The following CRYBG1 variants were observed in gnomAD, a reference collection of about 807,000 sequenced individuals.
The protein encoded by CRYBG1 is beta/gamma crystallin domain-containing protein 1.
CRYBG1 carries 139 observed loss-of-function variants against 189.2 expected under a neutral mutation model. The observed-to-expected ratio is 0.73, with a 90% CI of 0.64 to 0.85. CRYBG1 has a LOEUF of 0.85. CRYBG1 is among the 40% of genes least tolerant of loss of function. The probability of loss-of-function intolerance (pLI) is 0.00; values close to 1 mark genes in which losing one functional copy is unlikely to be tolerated. For synonymous variants in CRYBG1, 1,023 were observed against 1,017.1 expected, an observed-to-expected ratio of 1.01 and a Z score of -0.11; for missense variants, 2,611 against 2,675.8, an observed-to-expected ratio of 0.98 and a Z score of 0.53.
intron 2 of CRYBG1, among the ~76,000 whole-genome samples, chr6:106,452,743 G>A (rs540851150): frequency 6.6e-6 from 1 of 152,228 alleles, no homozygotes; most frequent in South Asian, 2.1e-4. Flanking sequence ...TTTTCTCCAA[G>A]GTGGGAGATA....
intron 8 of CRYBG1, among the ~76,000 whole-genome samples, chr6:106,532,300 T>G (rs1330546095): frequency 6.6e-6 from 1 of 152,210 alleles, no homozygotes; most frequent in East Asian, 1.9e-4. Flanking sequence ...CTTTATTCAT[T>G]CATCTGTTGA....
intron 10 of CRYBG1, 131 bp from the exon 11 acceptor site, chr6:106,543,309 C>A: frequency 3.6e-6 from 3 of 833,256 alleles, no homozygotes; most frequent in Non-Finnish European, 3.7e-6. Flanking sequence ...GGATAACAGG[C>A]GTGAGCCACC....
intron 2 of CRYBG1, among the ~76,000 whole-genome samples, chr6:106,458,308 C>G (rs1421427277): frequency 6.6e-6 from 1 of 152,222 alleles, no homozygotes; most frequent in Non-Finnish European, 1.5e-5. Flanking sequence ...TGCACAGACT[C>G]TTTCCCATGC....
At chr6:106,364,293 C>T (rs1771938614) in intron 1 of CRYBG1, among the ~76,000 whole-genome samples, 1 of 151,670 alleles carries the variant, frequency 6.6e-6, no homozygotes, top group Non-Finnish European at 1.5e-5. Flanking sequence ...TGCCATCGCA[C>T]TCTAGCCTGG....
chr6:106,514,730 A>G (rs1773380163), intron 3 of CRYBG1, among the ~76,000 whole-genome samples: 1 of 152,258 alleles, frequency 6.6e-6, no homozygotes, highest in Non-Finnish European at 1.5e-5. Flanking sequence ...ATAGTAGGCT[A>G]AACAAACAGG....
intron 2 of CRYBG1, among the ~76,000 whole-genome samples, chr6:106,499,572 C>T (rs113876401): frequency 1.1e-3 from 163 of 151,592 alleles, no homozygotes; most frequent in African/African-American, 3.2e-3. Flanking sequence ...TTGTTGTATA[C>T]GTTGTAATTG....
chr6:106,560,970 A>AT (rs749521765), intron 19 of CRYBG1, 44 bp downstream of exon 19: 3 of 1,514,834 alleles, frequency 2.0e-6, no homozygotes, highest in East Asian at 2.4e-5. Context: ...CTTCTCTGAA[A>AT]TTTTTTTGTA....
intron 4 of CRYBG1, among the ~76,000 whole-genome samples, chr6:106,521,671 T>C (rs984710898): frequency 2.7e-5 from 4 of 150,040 alleles, no homozygotes; most frequent in Admixed American, 1.3e-4. Flanking sequence ...TCTGTAGTCT[T>C]GCAGGGAGAT....
chr6:106,411,932 C>T (rs142964614), intron 1 of CRYBG1, among the ~76,000 whole-genome samples: 1 of 152,218 alleles, frequency 6.6e-6, no homozygotes, highest in Admixed American at 6.5e-5. Context: ...AGCTGCTTCT[C>T]CCTCTTCTTT....
At chr6:106,489,804 A>AAAAG (rs1562085481) in intron 2 of CRYBG1, among the ~76,000 whole-genome samples, 72 of 148,450 alleles carry the variant, frequency 4.9e-4, no homozygotes, top group Admixed American at 7.5e-4. Flanking sequence ...AAAAAAAAAA[A>AAAAG]AAAGAAAGAA....
At chr6:106,556,757 G>GA (rs144838826) in intron 17 of CRYBG1, among the ~76,000 whole-genome samples, 2,965 of 152,254 alleles carry the variant, frequency 0.019, 78 homozygotes, top group African/African-American at 0.069. Flanking sequence ...AATGTAGGAA[G>GA]AACGTATGTG....
chr6:106,477,986 C>T (rs528229098), intron 2 of CRYBG1, among the ~76,000 whole-genome samples: 29 of 152,368 alleles, frequency 1.9e-4, no homozygotes, highest in Admixed American at 4.6e-4. Flanking sequence ...TGTCCCTGTA[C>T]AAAGGAGGAG....
intron 1 of CRYBG1, among the ~76,000 whole-genome samples, chr6:106,424,766 C>T (rs1180519345): frequency 2.0e-5 from 3 of 152,112 alleles, no homozygotes; most frequent in African/African-American, 7.2e-5. Flanking sequence ...CCGGCCTACC[C>T]ACCTCCTCTT....
chr6:106,566,718 A>G (rs1018619518), intron 21 of CRYBG1, among the ~76,000 whole-genome samples: 4 of 151,992 alleles, frequency 2.6e-5, no homozygotes, highest in African/African-American at 4.8e-5. Context: ...TGGACATGAG[A>G]GAGCAGCGCC....
rs188254582 is a variant in CRYBG1, at chr6:106,482,586, T to C, written c.313-28844T>C. Among the ~76,000 whole-genome samples the C allele has an allele frequency of 4.5e-3, 680 of 152,118 alleles. 2 individuals are homozygous for C. The highest frequency in any genetic ancestry group is 6.6e-3 in the Non-Finnish European group (451 of 67,974). The stretch of plus-strand genomic sequence containing the variant: ...GTCAGGAGATCGAGACCATCCTGGC[T>C]AACACCGTGAAACCCCGTCTCTACT... On this transcript the variant is annotated intron_variant, in intron 2 of 21. Coordinates refer to ENST00000633556, the MANE Select transcript of CRYBG1 (RefSeq NM_001371242.2).
intron 1 of CRYBG1, among the ~76,000 whole-genome samples, chr6:106,419,348 A>G (rs904624214): frequency 6.6e-6 from 1 of 152,212 alleles, no homozygotes; most frequent in Non-Finnish European, 1.5e-5. Context: ...TGAGAAAGAC[A>G]AAGAAATATA....
chr6:106,437,812 T>C (rs535912924), intron 1 of CRYBG1, among the ~76,000 whole-genome samples: 2 of 152,330 alleles, frequency 1.3e-5, no homozygotes, highest in East Asian at 3.9e-4. Context: ...CATAATACGC[T>C]CCTAATCTTT....
chr6:106,544,565 T>G lies in CRYBG1; in HGVS notation c.5040-6T>G. On this transcript the variant is annotated splice_polypyrimidine_tract_variant and splice_region_variant and intron_variant, in intron 11 of 21. Coordinates refer to ENST00000633556, the MANE Select transcript of CRYBG1 (RefSeq NM_001371242.2). Reference sequence around the variant, plus strand: ...ATGACTACTCCTCGTGTTCTTTATGTTGCAGTTGGGTTGCATATGAGAAAC... The same window carrying G: ...ATGACTACTCCTCGTGTTCTTTATGGTGCAGTTGGGTTGCATATGAGAAAC... 6.2e-7 allele frequency: 1 copy of G among 1,613,142 alleles called. No homozygotes were observed. The highest frequency in any genetic ancestry group is 8.5e-7 in the Non-Finnish European group (1 of 1,179,566).
chr6:106,550,953 AC>A (rs1774389355), intron 13 of CRYBG1, among the ~76,000 whole-genome samples: 1 of 152,056 alleles, frequency 6.6e-6, no homozygotes, highest in African/African-American at 2.4e-5. Context: ...ATGTCAAGAT[AC>A]CCTTACGCTT....
Sources: allele counts gnomAD v4.1 joint callset (sites outside exome capture counted in the v4.1 genomes callset), GRCh38; gene constraint gnomAD v4.1.1; transcripts MANE v1.5; gene names NCBI Gene and HGNC (gene_info 2026-07-23, HGNC 2026-07-21).